CCDC30: variants seen among roughly 807,000 people sequenced by gnomAD.
CCDC30 encodes the protein coiled-coil domain-containing protein 30.
Under a neutral mutation model 100.2 loss-of-function variants are expected in CCDC30, and 70 were observed. The observed-to-expected ratio is 0.70, with a 90% confidence interval of 0.58 to 0.85. The LOEUF (loss-of-function observed/expected upper bound fraction) is 0.85. Among genes scored for constraint, CCDC30 ranks in the 40% least tolerant of loss-of-function variants. CCDC30 has a pLI of 0.00. For missense variants in CCDC30, 652 were observed against 771.2 expected, an observed-to-expected ratio of 0.85 and a Z score of 1.83; for synonymous variants, 233 against 269.5, an observed-to-expected ratio of 0.86 and a Z score of 1.33.
chr1:42,464,505 T>C (rs1027329744), intron 1 of CCDC30, among the ~76,000 whole-genome samples: 5 of 152,220 alleles, frequency 3.3e-5, no homozygotes, highest in Non-Finnish European at 7.3e-5. Flanking sequence ...CCTGTCAATT[T>C]CTGAATCAGA....
At chr1:42,548,550 G>A (rs1244489092) in intron 6 of CCDC30, among the ~76,000 whole-genome samples, 2 of 152,156 alleles carry the variant, frequency 1.3e-5, no homozygotes, top group African/African-American at 4.8e-5. Flanking sequence ...CAGATACTAT[G>A]ATTGCCTTGG....
At chr1:42,579,839 A>T (rs1381324952) in intron 8 of CCDC30, among the ~76,000 whole-genome samples, 1 of 152,036 alleles carries the variant, frequency 6.6e-6, no homozygotes, top group East Asian at 1.9e-4. Flanking sequence ...CTACAAAAAT[A>T]AAAAAGTTAG....
At chr1:42,584,957 G>A (rs1371990961) in intron 9 of CCDC30, among the ~76,000 whole-genome samples, 1 of 152,336 alleles carries the variant, frequency 6.6e-6, no homozygotes, top group East Asian at 1.9e-4. Flanking sequence ...AGAGATTGCA[G>A]AGAATTGGTA....
chr1:42,549,898 C>T (rs965358061), intron 6 of CCDC30, among the ~76,000 whole-genome samples: 3 of 152,134 alleles, frequency 2.0e-5, no homozygotes, highest in African/African-American at 7.2e-5. Flanking sequence ...TTGTTCTTTC[C>T]AACACACTCT....
intron 3 of CCDC30, among the ~76,000 whole-genome samples, chr1:42,487,492 C>T (rs1178663060): frequency 6.6e-6 from 1 of 152,038 alleles, no homozygotes; most frequent in Non-Finnish European, 1.5e-5. Flanking sequence ...TAGTTACGGT[C>T]CCAAACCAAC....
intron 10 of CCDC30, chr1:42,595,504 G>T (rs1167357280): frequency 6.6e-6 from 1 of 152,130 alleles, no homozygotes; most frequent in Non-Finnish European, 1.5e-5. Flanking sequence ...CTGAGATTGC[G>T]CCACTGCATT....
intron 15 of CCDC30, among the ~76,000 whole-genome samples, chr1:42,652,269 A>G (rs1019803491): frequency 1.3e-5 from 2 of 152,218 alleles, no homozygotes; most frequent in Non-Finnish European, 2.9e-5. Flanking sequence ...AAAACAATTG[A>G]ACACATGTAA....
chr1:42,513,870 A>T (rs1045910016), intron 6 of CCDC30, among the ~76,000 whole-genome samples: 2 of 152,186 alleles, frequency 1.3e-5, no homozygotes, highest in African/African-American at 4.8e-5. Flanking sequence ...GGCCTTAGGA[A>T]GCTTACAGTC....
intron 6 of CCDC30, among the ~76,000 whole-genome samples, chr1:42,521,765 T>TA (rs1343564993): frequency 5.3e-5 from 8 of 151,942 alleles, no homozygotes; most frequent in Non-Finnish European, 1.2e-4. Context: ...TTATGATATA[T>TA]TTTTACTATA....
chr1:42,641,693 C>G (rs887157865), intron 12 of CCDC30, among the ~76,000 whole-genome samples: 3 of 151,956 alleles, frequency 2.0e-5, no homozygotes, highest in East Asian at 1.9e-4. Flanking sequence ...ATGGCGAAAC[C>G]CTGTCTCTAC....
chr1:42,580,570 T>C (rs973528726), intron 8 of CCDC30, among the ~76,000 whole-genome samples: 1 of 152,182 alleles, frequency 6.6e-6, no homozygotes, highest in Non-Finnish European at 1.5e-5. Flanking sequence ...CAAGAGTTTA[T>C]AAAAATAAGT....
At chr1:42,620,524 A>T (rs528916306) in intron 11 of CCDC30, among the ~76,000 whole-genome samples, 3 of 152,072 alleles carry the variant, frequency 2.0e-5, no homozygotes, top group African/African-American at 7.2e-5. Flanking sequence ...CTGGCTCAAG[A>T]TCTCAAATAA....
At chr1:42,571,682 T>A (rs1298258236) in intron 7 of CCDC30, among the ~76,000 whole-genome samples, 1 of 152,262 alleles carries the variant, frequency 6.6e-6, no homozygotes, top group African/African-American at 2.4e-5. Flanking sequence ...GCATTTGCTC[T>A]TAGGGTTTAA....
chr1:42,521,682 G>A (rs2148504203), intron 6 of CCDC30, among the ~76,000 whole-genome samples: 1 of 152,008 alleles, frequency 6.6e-6, no homozygotes, highest in African/African-American at 2.4e-5. Flanking sequence ...TGAACAGTCT[G>A]TTTCTCCCTT....
chr1:42,459,550 C>G (rs1643346962), upstream of CCDC30: 7 of 1,416,122 alleles, frequency 4.9e-6, no homozygotes, highest in Admixed American at 8.0e-5. Context: ...TGAGATTGAC[C>G]TGGTAGGTAA....
chr1:42,567,525 T>C (rs1484578947), intron 7 of CCDC30, among the ~76,000 whole-genome samples: 4 of 152,198 alleles, frequency 2.6e-5, no homozygotes, highest in African/African-American at 9.7e-5. Flanking sequence ...TATCCCAAAC[T>C]TCAAGGAAGG....
chr1:42,542,596 T>G (rs891217083), intron 6 of CCDC30, among the ~76,000 whole-genome samples: 1 of 129,016 alleles, frequency 7.8e-6, no homozygotes, highest in Non-Finnish European at 1.6e-5. Context: ...CAGGCCGGAC[T>G]GCGGACTGCA....
chr1:42,561,436 G>A (rs950790413), intron 6 of CCDC30, among the ~76,000 whole-genome samples: 1 of 152,036 alleles, frequency 6.6e-6, no homozygotes, highest in Non-Finnish European at 1.5e-5. Context: ...AAATAACCTA[G>A]GTATTGATGG....
chr1:42,518,738 A>G (rs1311994926), intron 6 of CCDC30, among the ~76,000 whole-genome samples: 2 of 152,164 alleles, frequency 1.3e-5, no homozygotes, highest in East Asian at 3.8e-4. Flanking sequence ...CATGACTGTA[A>G]TTTTACTTCT....
Sources: gnomAD v4.1 joint callset for allele counts (sites outside exome capture counted in the v4.1 genomes callset) on GRCh38, gnomAD v4.1.1 for gene constraint, MANE v1.5 for transcripts, NCBI Gene and HGNC (gene_info 2026-07-23, HGNC 2026-07-21) for gene names.